PAPSS1: variants seen among roughly 807,000 people sequenced by gnomAD.
PAPSS1 encodes the protein 3'-phosphoadenosine 5'-phosphosulfate synthase 1.
In PAPSS1, 50 loss-of-function variants were observed where a neutral mutation model predicts 72.0. The observed-to-expected ratio is 0.69, with a 90% CI of 0.55 to 0.88. The LOEUF (loss-of-function observed/expected upper bound fraction) is 0.88. PAPSS1 is among the 40% of genes least tolerant of loss of function. PAPSS1 has a pLI of 0.00. For synonymous variants in PAPSS1, 261 were observed against 263.6 expected (o/e 0.99, Z 0.09); for missense variants, 657 against 782.2 (o/e 0.84, Z 1.91).
chr4:107,631,484 TGGGAAATTACTTTTCTGG>T, intron 11 of PAPSS1, 129 bp downstream of exon 11: 2 of 582,168 alleles, frequency 3.4e-6, no homozygotes, highest in South Asian at 5.0e-5. Flanking sequence ...TCCAGAATGT[TGGGAAATTACTTTTCTGG>T]GTTTACCTTT....
intron 11 of PAPSS1, among the ~76,000 whole-genome samples, chr4:107,618,861 GCTTTCCAA>G (rs1003465179): frequency 3.3e-5 from 5 of 152,092 alleles, no homozygotes; most frequent in African/African-American, 1.2e-4. Flanking sequence ...GGTCCAGATA[GCTTTCCAA>G]CTATATCCAA....
At chr4:107,620,090 G>A (rs1725916799) in intron 11 of PAPSS1, among the ~76,000 whole-genome samples, 1 of 152,272 alleles carries the variant, frequency 6.6e-6, no homozygotes, top group South Asian at 2.1e-4. Context: ...GACAAGAGCT[G>A]GGGTCAGCAG....
At chr4:107,715,723 C>G (rs1204825208) in intron 1 of PAPSS1, among the ~76,000 whole-genome samples, 1 of 152,138 alleles carries the variant, frequency 6.6e-6, no homozygotes, top group Non-Finnish European at 1.5e-5. Flanking sequence ...ATCCTCAGGA[C>G]CTGGAACAAA....
intron 10 of PAPSS1, among the ~76,000 whole-genome samples, chr4:107,640,872 AG>A (rs1726521071): frequency 6.6e-6 from 1 of 152,206 alleles, no homozygotes; most frequent in South Asian, 2.1e-4. Context: ...AGAGATGTAG[AG>A]GCAGACACAG....
intron 2 of PAPSS1, among the ~76,000 whole-genome samples, chr4:107,696,101 G>T (rs1723056183): frequency 6.6e-6 from 1 of 152,130 alleles, no homozygotes; most frequent in Non-Finnish European, 1.5e-5. Context: ...GGAGAAATAG[G>T]AACGCTTTTA....
intron 5 of PAPSS1, among the ~76,000 whole-genome samples, chr4:107,675,773 C>A (rs577556226): frequency 6.6e-6 from 1 of 152,236 alleles, no homozygotes; most frequent in Admixed American, 6.5e-5. Context: ...AACATCGATG[C>A]AAAAATCCTC....
At chr4:107,679,891 C>A (rs899856408) in intron 5 of PAPSS1, among the ~76,000 whole-genome samples, 12 of 150,742 alleles carry the variant, frequency 8.0e-5, no homozygotes, top group Admixed American at 5.9e-4. Context: ...TGAATACTAT[C>A]AAAAAAAAGT....
chr4:107,699,210 AAC>A (rs1339642060), intron 2 of PAPSS1, among the ~76,000 whole-genome samples: 6 of 152,140 alleles, frequency 3.9e-5, no homozygotes, highest in Non-Finnish European at 8.8e-5. Context: ...ACTAAATAAC[AAC>A]AGAGTTCAGG....
At chr4:107,627,453 G>C (rs911254668) in intron 11 of PAPSS1, among the ~76,000 whole-genome samples, 3 of 152,086 alleles carry the variant, frequency 2.0e-5, no homozygotes, top group African/African-American at 7.2e-5. Flanking sequence ...TCTGGGCCCA[G>C]CATTTCACCT....
chr4:107,710,492 G>A (rs558212021), intron 1 of PAPSS1, among the ~76,000 whole-genome samples: 7 of 141,644 alleles, frequency 4.9e-5, no homozygotes, highest in Middle Eastern at 7.2e-3. Context: ...TGTCCTGCTC[G>A]GGGTCAGGTT....
intron 3 of PAPSS1, among the ~76,000 whole-genome samples, chr4:107,690,239 C>T (rs1722881456): frequency 6.6e-6 from 1 of 152,152 alleles, no homozygotes; most frequent in South Asian, 2.1e-4. Flanking sequence ...GAAGTCACCA[C>T]CTAGCCTCTG....
intron 11 of PAPSS1, among the ~76,000 whole-genome samples, chr4:107,623,141 T>A (rs1025487187): frequency 1.6e-4 from 25 of 152,220 alleles, no homozygotes; most frequent in African/African-American, 5.5e-4. Flanking sequence ...GTCACTTTTA[T>A]AACTTTTATG....
At chr4:107,624,365 T>C (rs1726040945) in intron 11 of PAPSS1, among the ~76,000 whole-genome samples, 1 of 152,234 alleles carries the variant, frequency 6.6e-6, no homozygotes, top group Non-Finnish European at 1.5e-5. Flanking sequence ...GTATGGTCAG[T>C]GGTTTACTAT....
At chr4:107,714,663 G>C (rs1723589349) in intron 1 of PAPSS1, among the ~76,000 whole-genome samples, 1 of 152,026 alleles carries the variant, frequency 6.6e-6, no homozygotes, top group African/African-American at 2.4e-5. Flanking sequence ...GTTTTTTTAA[G>C]AAATCTTTTC....
intron 1 of PAPSS1, among the ~76,000 whole-genome samples, chr4:107,702,429 C>A (rs1723228212): frequency 6.6e-6 from 1 of 152,162 alleles, no homozygotes. Context: ...TGTTATACAT[C>A]TTTTGAACTT....
intron 11 of PAPSS1, 146 bp downstream of exon 11, chr4:107,631,485 G>A: frequency 1.7e-6 from 1 of 579,228 alleles, no homozygotes; most frequent in Non-Finnish European, 3.0e-6. Flanking sequence ...CCAGAATGTT[G>A]GGAAATTACT....
chr4:107,621,608 C>CTTGTTTTTTTTTTT (rs1725956182), intron 11 of PAPSS1, among the ~76,000 whole-genome samples: 1 of 48,148 alleles, frequency 2.1e-5, no homozygotes. Flanking sequence ...GGTTTTTTAT[C>CTTGTTTTTTTTTTT]TTTTTTTTTT....
chr4:107,670,866 A>G (rs17585259), intron 5 of PAPSS1, among the ~76,000 whole-genome samples: 29,595 of 152,190 alleles, frequency 0.19, 3,163 homozygotes, highest in East Asian at 0.37. Flanking sequence ...TCTCAATTCT[A>G]TAAACAATGG....
chr4:107,614,809 T>C (rs1279378205), intron 11 of PAPSS1, among the ~76,000 whole-genome samples: 2 of 152,202 alleles, frequency 1.3e-5, no homozygotes, highest in African/African-American at 4.8e-5. Flanking sequence ...TCTTATGCAC[T>C]TAATACTATA....
Sources: allele counts gnomAD v4.1 joint callset (sites outside exome capture counted in the v4.1 genomes callset), GRCh38; gene constraint gnomAD v4.1.1; transcripts MANE v1.5; gene names NCBI Gene and HGNC (gene_info 2026-07-23, HGNC 2026-07-21).